ASIC2: variants seen among roughly 807,000 people sequenced by gnomAD.
ASIC2 encodes acid sensing ion channel subunit 2.
In ASIC2, 25 loss-of-function variants were observed where a neutral mutation model predicts 57.3. The observed-to-expected ratio is 0.44, with a 90% confidence interval of 0.32 to 0.61. The LOEUF (loss-of-function observed/expected upper bound fraction) is 0.61, where lower values mean the gene tolerates loss of function less well. Among genes scored for constraint, ASIC2 ranks in the 20% least tolerant of loss-of-function variants. The pLI is 0.06. For missense variants in ASIC2, 641 were observed against 738.1 expected, an observed-to-expected ratio of 0.87 and a Z score of 1.52; for synonymous variants, 319 against 307.5, an observed-to-expected ratio of 1.04 and a Z score of -0.39.
At chr17:34,054,040 G>C (rs1908668939) in intron 1 of ASIC2, among the ~76,000 whole-genome samples, 2 of 152,200 alleles carry the variant, frequency 1.3e-5, no homozygotes, top group African/African-American at 4.8e-5. Flanking sequence ...TTGTAGAGTG[G>C]GAGTCATAAG....
At chr17:33,550,020 G>C (rs927032483) in intron 1 of ASIC2, among the ~76,000 whole-genome samples, 1 of 152,120 alleles carries the variant, frequency 6.6e-6, no homozygotes, top group Non-Finnish European at 1.5e-5. Flanking sequence ...TGTGTTTCTG[G>C]TTTTTCATCT....
intron 1 of ASIC2, among the ~76,000 whole-genome samples, chr17:33,144,642 C>T (rs1191722988): frequency 4.6e-5 from 7 of 152,026 alleles, no homozygotes; most frequent in East Asian, 1.9e-4. Context: ...CTAGGGTGAC[C>T]GATGCATAAT....
chr17:33,355,439 G>A (rs923871501), intron 1 of ASIC2, among the ~76,000 whole-genome samples: 3 of 151,874 alleles, frequency 2.0e-5, no homozygotes, highest in Non-Finnish European at 4.4e-5. Context: ...AAACAGTAAA[G>A]CAGTGCCTAG....
At chr17:33,403,090 A>G (rs1910339727) in intron 1 of ASIC2, among the ~76,000 whole-genome samples, 1 of 152,144 alleles carries the variant, frequency 6.6e-6, no homozygotes, top group Non-Finnish European at 1.5e-5. Context: ...TGCTGCCTCT[A>G]CCATAAACAT....
chr17:33,275,112 G>T (rs551818784), intron 1 of ASIC2, among the ~76,000 whole-genome samples: 1 of 152,284 alleles, frequency 6.6e-6, no homozygotes, highest in Admixed American at 6.5e-5. Flanking sequence ...ACTGCAAAAT[G>T]AAGTGGTGAA....
intron 1 of ASIC2, among the ~76,000 whole-genome samples, chr17:33,427,023 G>A (rs1812484991): frequency 1.3e-5 from 2 of 152,164 alleles, no homozygotes; most frequent in Admixed American, 6.5e-5. Flanking sequence ...GTATACTTGA[G>A]GAGCTGCAGT....
At chr17:34,053,746 G>T (rs574582330) in intron 1 of ASIC2, among the ~76,000 whole-genome samples, 2 of 152,332 alleles carry the variant, frequency 1.3e-5, no homozygotes, top group Admixed American at 6.5e-5. Flanking sequence ...TCAAACTCAG[G>T]ATGTCTGGCT....
At chr17:33,713,495 A>T (rs763456960) in intron 1 of ASIC2, among the ~76,000 whole-genome samples, 2 of 152,196 alleles carry the variant, frequency 1.3e-5, no homozygotes, top group African/African-American at 4.8e-5. Flanking sequence ...CTCCGTCCTC[A>T]CATGGTATTC....
chr17:33,389,242 C>T (rs11651786), intron 1 of ASIC2, among the ~76,000 whole-genome samples: 78,954 of 151,912 alleles, frequency 0.52, 22,602 homozygotes, highest in Non-Finnish European at 0.65. Flanking sequence ...ATTACAGGCA[C>T]GAGCCACCGT....
intron 1 of ASIC2, among the ~76,000 whole-genome samples, chr17:33,831,628 A>C (rs1401909883): frequency 2.6e-5 from 4 of 151,708 alleles, no homozygotes; most frequent in African/African-American, 7.3e-5. Context: ...TGGTCAAAGA[A>C]ATGTCTACTC....
chr17:33,110,141 C>T (rs998569567), intron 2 of ASIC2, among the ~76,000 whole-genome samples: 3 of 152,190 alleles, frequency 2.0e-5, no homozygotes, highest in African/African-American at 7.2e-5. Context: ...AGGGACATAA[C>T]TAACTTCTGT....
chr17:33,796,263 C>T (rs1911916786), intron 1 of ASIC2, among the ~76,000 whole-genome samples: 1 of 152,074 alleles, frequency 6.6e-6, no homozygotes, highest in Middle Eastern at 3.2e-3. Context: ...CACCAGAGTG[C>T]CACAGAATGG....
chr17:33,527,439 ACACGTGGTTCCTTTCCCTTC>A (rs1461838606), intron 1 of ASIC2, among the ~76,000 whole-genome samples: 1 of 152,196 alleles, frequency 6.6e-6, no homozygotes, highest in African/African-American at 2.4e-5. Context: ...AGAAAGGAAC[ACACGTGGTTCCTTTCCCTTC>A]CACATGAGGA....
At chr17:34,011,166 T>C (rs1220492635) in intron 1 of ASIC2, among the ~76,000 whole-genome samples, 1 of 143,984 alleles carries the variant, frequency 6.9e-6, no homozygotes, top group Admixed American at 7.0e-5. Flanking sequence ...TAGAGATGCC[T>C]CCAGTCAAAC....
At chr17:33,036,382 TGGGA>T (rs1269320330) in intron 3 of ASIC2, among the ~76,000 whole-genome samples, 1 of 152,144 alleles carries the variant, frequency 6.6e-6, no homozygotes, top group Non-Finnish European at 1.5e-5. Flanking sequence ...AGGAAATCGA[TGGGA>T]GGGATGGAGA....
At chr17:34,036,680 G>GGT (rs1567796362) in intron 1 of ASIC2, 1 of 100,554 alleles carries the variant, frequency 9.9e-6, no homozygotes, top group African/African-American at 3.4e-5. Context: ...CTTTGAATTT[G>GGT]TTTTTTTTTT....
chr17:33,630,542 C>T (rs773347868), intron 1 of ASIC2, among the ~76,000 whole-genome samples: 3 of 152,152 alleles, frequency 2.0e-5, no homozygotes, highest in Non-Finnish European at 2.9e-5. Flanking sequence ...AGGACCATGC[C>T]ACTTAGCTCT....
intron 1 of ASIC2, among the ~76,000 whole-genome samples, chr17:33,205,327 G>C (rs1204964033): frequency 3.9e-5 from 6 of 152,182 alleles, no homozygotes; most frequent in African/African-American, 1.4e-4. Context: ...TGCCAGCCTG[G>C]ATCAGTAATT....
chr17:34,039,961 C>A, intron 1 of ASIC2: 2 of 1,150,818 alleles, frequency 1.7e-6, no homozygotes, highest in South Asian at 1.3e-5. Flanking sequence ...CGCTCTCCCC[C>A]TGGGCAGGCC....
Sources: allele counts gnomAD v4.1 joint callset (sites outside exome capture counted in the v4.1 genomes callset), GRCh38; gene constraint gnomAD v4.1.1; transcripts MANE v1.5; gene names NCBI Gene and HGNC (gene_info 2026-07-23, HGNC 2026-07-21).